Variants in LDLRAD3 observed in about 807,000 individuals in gnomAD.
The protein encoded by LDLRAD3 is low density lipoprotein receptor class A domain containing 3, also known as low-density lipoprotein receptor class A domain-containing protein 3.
LDLRAD3 carries 20 observed loss-of-function variants against 29.4 expected under a neutral mutation model. That is an observed-to-expected ratio of 0.68 (90% CI 0.48 to 0.99). The LOEUF is 0.99. Among genes scored for constraint, LDLRAD3 ranks in the 50% least tolerant of loss-of-function variants. The probability of loss-of-function intolerance (pLI) is 0.00; values close to 1 mark genes in which losing one functional copy is unlikely to be tolerated. For synonymous variants in LDLRAD3, 157 were observed against 192.7 expected (o/e 0.81, Z 1.53); for missense variants, 420 against 454.3 (o/e 0.92, Z 0.69).
chr11:36,139,784 A>G (rs192493522), intron 4 of LDLRAD3, among the ~76,000 whole-genome samples: 5 of 152,300 alleles, frequency 3.3e-5, no homozygotes, highest in Admixed American at 2.0e-4. Context: ...GTGAAGGGAT[A>G]GCGTGGGAGT....
chr11:36,177,674 A>T (rs560372546), intron 4 of LDLRAD3, among the ~76,000 whole-genome samples: 1 of 152,264 alleles, frequency 6.6e-6, no homozygotes, highest in East Asian at 1.9e-4. Flanking sequence ...CTGTAATGTG[A>T]TCCATCTTCA....
intron 4 of LDLRAD3, among the ~76,000 whole-genome samples, chr11:36,182,147 T>C (rs775728829): frequency 1.3e-5 from 2 of 152,142 alleles, no homozygotes; most frequent in Non-Finnish European, 2.9e-5. Context: ...TAACAAATCA[T>C]TGAAGTGAGG....
chr11:36,226,440 C>T (rs1031942306), intron 4 of LDLRAD3, among the ~76,000 whole-genome samples: 4 of 152,226 alleles, frequency 2.6e-5, no homozygotes, highest in African/African-American at 9.6e-5. Flanking sequence ...GTGTGTTATA[C>T]ATTTCTACTA....
intron 2 of LDLRAD3, among the ~76,000 whole-genome samples, chr11:36,036,961 G>C (rs1278442140): frequency 6.6e-6 from 1 of 152,198 alleles, no homozygotes; most frequent in East Asian, 1.9e-4. Context: ...CCGGGGATGT[G>C]AGTTGAGAGG....
intron 1 of LDLRAD3, among the ~76,000 whole-genome samples, chr11:35,965,297 G>A (rs893503686): frequency 2.0e-5 from 3 of 152,148 alleles, no homozygotes; most frequent in Admixed American, 6.5e-5. Context: ...TCCTGTAAGT[G>A]GAATAAGTTT....
intron 2 of LDLRAD3, among the ~76,000 whole-genome samples, chr11:36,050,548 G>A (rs1275124248): frequency 2.0e-5 from 3 of 152,180 alleles, no homozygotes; most frequent in Non-Finnish European, 4.4e-5. Flanking sequence ...CCCTGGAATG[G>A]AGGCCACTGG....
At position 35,944,133 on chromosome 11, in the gene LDLRAD3, G is replaced by A; in HGVS notation, c.35G>A (p.Ser12Asn). ...CTGGGGCCGCTGTGCCTGCTGCTGAGCAGCGCCGCGGGTGAGTCGGGGGGC... is the reference window on the plus strand; with the variant it reads ...CTGGGGCCGCTGTGCCTGCTGCTGAACAGCGCCGCGGGTGAGTCGGGGGGC... ...WLLGPLCLLL[S>N]SAAESQLLPG... The change falls in exon 1 of 6, where the codon AGC becomes AAC. Residue 12 changes from serine (S) to asparagine (N), a missense_variant. By Grantham distance (46) the Ser-to-Asn change is conservative. Around this residue, in one of 3 missense-constraint regions of LDLRAD3, gnomAD observed 224 missense variants for 222.2 expected, o/e 1.01. Transcript: ENST00000315571. The surrounding 1 kb of genome is among the most constrained non-coding windows in gnomAD (Gnocchi z 4.9). 9.5e-7 allele frequency: 1 copy of A among 1,051,322 alleles called. No individual in the cohort carries two copies. The highest frequency in any genetic ancestry group is 1.1e-6 in the Non-Finnish European group (1 of 873,852). The allele number at this position is 1,051,322 out of a possible 1,614,324, so 65.1% of individuals were successfully genotyped here. A position where few individuals can be genotyped will look rare whatever the true frequency, so the allele number is the denominator to read the frequency against.
intron 1 of LDLRAD3, among the ~76,000 whole-genome samples, chr11:36,025,924 C>T (rs1247186448): frequency 2.0e-5 from 3 of 151,506 alleles, no homozygotes; most frequent in Non-Finnish European, 4.4e-5. Context: ...GGGTTATAGG[C>T]ATGCACCACC....
At chr11:35,989,864 C>A (rs763011585) in intron 1 of LDLRAD3, among the ~76,000 whole-genome samples, 2 of 152,164 alleles carry the variant, frequency 1.3e-5, no homozygotes, top group African/African-American at 2.4e-5. Flanking sequence ...GATGGCTTGA[C>A]ATCTTCTTTT....
At chr11:36,164,768 C>A (rs1370110070) in intron 4 of LDLRAD3, among the ~76,000 whole-genome samples, 1 of 152,182 alleles carries the variant, frequency 6.6e-6, no homozygotes, top group African/African-American at 2.4e-5. Flanking sequence ...AGAAGCTTTG[C>A]GAGCAGGCAG....
chr11:35,961,424 C>G (rs144801911), intron 1 of LDLRAD3, among the ~76,000 whole-genome samples: 2 of 152,292 alleles, frequency 1.3e-5, no homozygotes, highest in African/African-American at 4.8e-5. Flanking sequence ...GCTGCTCTGC[C>G]TCAGTGTGTT....
At chr11:36,208,758 A>G (rs549163351) in intron 4 of LDLRAD3, among the ~76,000 whole-genome samples, 1 of 105,108 alleles carries the variant, frequency 9.5e-6, no homozygotes, top group Non-Finnish European at 1.8e-5. Flanking sequence ...AGAAGGAATC[A>G]AGGAAATAGG....
At chr11:36,011,561 T>C (rs559153444) in intron 1 of LDLRAD3, among the ~76,000 whole-genome samples, 1,441 of 52,102 alleles carry the variant, frequency 0.028, 11 homozygotes, top group Non-Finnish European at 0.051. Context: ...TCAAAAGTTC[T>C]GCTACCTCAA....
intron 4 of LDLRAD3, among the ~76,000 whole-genome samples, chr11:36,150,424 A>T (rs1182291682): frequency 6.6e-6 from 1 of 152,102 alleles, no homozygotes; most frequent in African/African-American, 2.4e-5. Context: ...GCTACCCAGG[A>T]GGCTGAGGTG....
chr11:36,031,178 G>GA (rs1253236322), intron 1 of LDLRAD3, among the ~76,000 whole-genome samples: 2 of 151,676 alleles, frequency 1.3e-5, no homozygotes, highest in East Asian at 3.9e-4. Context: ...TCAGCTTAAT[G>GA]AAAAAAAGAG....
intron 1 of LDLRAD3, among the ~76,000 whole-genome samples, chr11:35,950,689 G>A (rs1851120443): frequency 6.6e-6 from 1 of 152,176 alleles, no homozygotes; most frequent in Non-Finnish European, 1.5e-5. Flanking sequence ...AAGAGTGAGA[G>A]TGGCTCCCAT....
chr11:36,135,212 T>C (rs1853986682), intron 4 of LDLRAD3, among the ~76,000 whole-genome samples: 1 of 152,232 alleles, frequency 6.6e-6, no homozygotes, highest in South Asian at 2.1e-4. Context: ...TTGCTGTGGC[T>C]TGTCTCTGGT....
At chr11:36,137,974 A>T (rs1250634242) in intron 4 of LDLRAD3, among the ~76,000 whole-genome samples, 1 of 152,174 alleles carries the variant, frequency 6.6e-6, no homozygotes, top group Admixed American at 6.5e-5. Flanking sequence ...CAGTTTTTTT[A>T]AAAGTCAAAC....
At chr11:36,046,811 A>C (rs1373720007) in intron 2 of LDLRAD3, among the ~76,000 whole-genome samples, 1 of 152,066 alleles carries the variant, frequency 6.6e-6, no homozygotes, top group African/African-American at 2.4e-5. Context: ...TAATTGTTTT[A>C]CCTCTGCCTT....
Sources: gnomAD v4.1 joint callset for allele counts (sites outside exome capture counted in the v4.1 genomes callset) on GRCh38, gnomAD v4.1.1 for gene constraint, gnomAD v4.1.1 regional missense constraint, Gnocchi (gnomAD v3.1) non-coding constraint, MANE v1.5 for transcripts, NCBI Gene and HGNC (gene_info 2026-07-23, HGNC 2026-07-21) for gene names.